ST6GALNAC5: variants seen among roughly 807,000 people sequenced by gnomAD.
The protein encoded by ST6GALNAC5 is ST6 N-acetylgalactosaminide alpha-2,6-sialyltransferase 5.
ST6GALNAC5 carries 27 observed loss-of-function variants against 33.6 expected under a neutral mutation model. That is an observed-to-expected ratio of 0.80 (90% CI 0.59 to 1.11). The LOEUF is 1.11. Ranked by LOEUF, ST6GALNAC5 falls within the 50% of genes least tolerant of loss-of-function variation. The pLI, the probability that ST6GALNAC5 is intolerant of heterozygous loss-of-function variation, is 0.00. For synonymous variants in ST6GALNAC5, 194 were observed against 171.2 expected (o/e 1.13, Z -1.04); for missense variants, 428 against 454.0 (o/e 0.94, Z 0.52).
At chr1:76,961,192 G>C (rs947397621) in intron 2 of ST6GALNAC5, among the ~76,000 whole-genome samples, 2 of 152,134 alleles carry the variant, frequency 1.3e-5, no homozygotes, top group African/African-American at 4.8e-5. Context: ...TCCATTCGGG[G>C]TTCCTGACTT....
intron 2 of ST6GALNAC5, among the ~76,000 whole-genome samples, chr1:76,965,218 C>T (rs1648413644): frequency 6.6e-6 from 1 of 151,410 alleles, no homozygotes; most frequent in Non-Finnish European, 1.5e-5. Flanking sequence ...GTTTACCACC[C>T]CCCCCACCAA....
At chr1:76,954,506 A>G (rs1647876944) in intron 2 of ST6GALNAC5, among the ~76,000 whole-genome samples, 1 of 152,126 alleles carries the variant, frequency 6.6e-6, no homozygotes, top group Non-Finnish European at 1.5e-5. Flanking sequence ...AAGCCTGCGC[A>G]TCCTGCACAT....
chr1:76,941,161 G>C (rs1490154263), intron 2 of ST6GALNAC5, among the ~76,000 whole-genome samples: 2 of 152,052 alleles, frequency 1.3e-5, no homozygotes, highest in Admixed American at 6.6e-5. Context: ...TCAATGTTTT[G>C]AAATTCCTTG....
intron 2 of ST6GALNAC5, among the ~76,000 whole-genome samples, chr1:76,912,229 G>T (rs1326707467): frequency 1.3e-5 from 2 of 152,140 alleles, no homozygotes; most frequent in Admixed American, 1.3e-4. Flanking sequence ...ATGTACTTGA[G>T]TGGTTTTGAG....
At chr1:76,969,669 G>A (rs972020286) in intron 2 of ST6GALNAC5, among the ~76,000 whole-genome samples, 4 of 152,164 alleles carry the variant, frequency 2.6e-5, no homozygotes, top group Non-Finnish European at 2.9e-5. Flanking sequence ...CCTAAAGAGA[G>A]CAGTGGTTCT....
chr1:77,048,296 G>A (rs189611723), intron 3 of ST6GALNAC5, among the ~76,000 whole-genome samples: 3 of 152,154 alleles, frequency 2.0e-5, no homozygotes, highest in East Asian at 3.9e-4. Flanking sequence ...GGGAATATAA[G>A]TGTGATTCCC....
chr1:77,028,032 G>T (rs1363737863), intron 2 of ST6GALNAC5, among the ~76,000 whole-genome samples: 2 of 152,198 alleles, frequency 1.3e-5, no homozygotes, highest in African/African-American at 4.8e-5. Context: ...AGTGGGGACT[G>T]CAGTCTGTCA....
chr1:76,915,250 G>A (rs553614915), intron 2 of ST6GALNAC5, among the ~76,000 whole-genome samples: 2,003 of 151,706 alleles, frequency 0.013, 44 homozygotes, highest in African/African-American at 0.045. Flanking sequence ...TGGTGGGACT[G>A]TAAACTAGTT....
chr1:76,931,838 G>A (rs186604489), intron 2 of ST6GALNAC5, among the ~76,000 whole-genome samples: 1 of 152,098 alleles, frequency 6.6e-6, no homozygotes, highest in African/African-American at 2.4e-5. Flanking sequence ...AGAAGGCTAA[G>A]GACAGAGTCC....
At chr1:76,898,369 T>C (rs1214619013) in intron 2 of ST6GALNAC5, among the ~76,000 whole-genome samples, 1 of 152,170 alleles carries the variant, frequency 6.6e-6, no homozygotes, top group African/African-American at 2.4e-5. Context: ...CAGAAATACA[T>C]TGCTACTTGG....
chr1:76,945,900 T>C (rs1288301305), intron 2 of ST6GALNAC5, among the ~76,000 whole-genome samples: 1 of 152,104 alleles, frequency 6.6e-6, no homozygotes, highest in Admixed American at 6.5e-5. Context: ...CAGAAAAAAA[T>C]AGCCTTTTAT....
intron 2 of ST6GALNAC5, among the ~76,000 whole-genome samples, chr1:76,883,106 TAGCTACCGTGTGGTAGGCA>T (rs1653820163): frequency 6.6e-6 from 1 of 152,166 alleles, no homozygotes; most frequent in Non-Finnish European, 1.5e-5. Context: ...ATTGACTGAG[TAGCTACCGTGTGGTAGGCA>T]CAAGGGAGGA....
chr1:77,043,608 T>C (rs1030978128), intron 2 of ST6GALNAC5, among the ~76,000 whole-genome samples: 2 of 152,226 alleles, frequency 1.3e-5, no homozygotes, highest in African/African-American at 4.8e-5. Context: ...ACAATCAGCA[T>C]GTCATTTCCC....
chr1:76,990,850 G>A, intron 2 of ST6GALNAC5, among the ~76,000 whole-genome samples: 1 of 152,208 alleles, frequency 6.6e-6, no homozygotes, highest in East Asian at 1.9e-4. Context: ...CCAAGGGATA[G>A]TGCAGTAGTT....
intron 2 of ST6GALNAC5, among the ~76,000 whole-genome samples, chr1:76,979,923 T>C (rs889192508): frequency 2.6e-5 from 4 of 152,168 alleles, no homozygotes; most frequent in Admixed American, 2.6e-4. Flanking sequence ...GCCTGGGGGA[T>C]AGAGTGAGAC....
intron 2 of ST6GALNAC5, among the ~76,000 whole-genome samples, chr1:77,015,510 T>G (rs1400461979): frequency 6.6e-6 from 1 of 152,158 alleles, no homozygotes; most frequent in Non-Finnish European, 1.5e-5. Context: ...CCCATAAATA[T>G]GTACATATAT....
intron 2 of ST6GALNAC5, among the ~76,000 whole-genome samples, chr1:77,025,741 G>T (rs944747458): frequency 2.6e-5 from 4 of 152,076 alleles, no homozygotes; most frequent in Non-Finnish European, 5.9e-5. Context: ...TCACAGCCTC[G>T]TCCACTGTGC....
chr1:77,034,263 A>G (rs536541139), intron 2 of ST6GALNAC5, among the ~76,000 whole-genome samples: 2 of 152,016 alleles, frequency 1.3e-5, no homozygotes, highest in East Asian at 1.9e-4. Context: ...TTCCTCACCT[A>G]CTAGATGCAT....
At chr1:77,012,925 T>A (rs1182465816) in intron 2 of ST6GALNAC5, among the ~76,000 whole-genome samples, 1 of 152,168 alleles carries the variant, frequency 6.6e-6, no homozygotes, top group Non-Finnish European at 1.5e-5. Context: ...AGAATTCCTA[T>A]GGTCTATCAG....
Sources: gnomAD v4.1 joint callset for allele counts (sites outside exome capture counted in the v4.1 genomes callset) on GRCh38, gnomAD v4.1.1 for gene constraint, MANE v1.5 for transcripts, NCBI Gene and HGNC (gene_info 2026-07-23, HGNC 2026-07-21) for gene names.